Variants in NAV3 observed in about 807,000 individuals in gnomAD.
NAV3 encodes the protein pore membrane and/or filament interacting like protein 1.
NAV3 carries 87 observed loss-of-function variants against 244.7 expected under a neutral mutation model. That is an observed-to-expected ratio of 0.36 (90% CI 0.30 to 0.42). The LOEUF is 0.42. Among genes scored for constraint, NAV3 ranks in the 20% least tolerant of loss-of-function variants. The pLI, the probability that NAV3 is intolerant of heterozygous loss-of-function variation, is 1.00. For synonymous variants in NAV3, 1,126 were observed against 1,042.2 expected (o/e 1.08, Z -1.55); for missense variants, 2,663 against 2,893.3 (o/e 0.92, Z 1.83).
chr12:78,003,527 C>T lies in NAV3; in HGVS notation c.881-2892C>T, dbSNP rs370321492. The stretch of plus-strand genomic sequence containing the variant: ...ACCTAGTTTACTTTTGTCAAAGCAA[C>T]GCACTATTCAGTGAGGAAAAAGAGA... On this transcript the variant is annotated intron_variant, in intron 7 of 39. Coordinates refer to ENST00000397909, the MANE Select transcript of NAV3 (RefSeq NM_001024383.2). Among the ~76,000 whole-genome samples the T allele has an allele frequency of 1.6e-4, 25 of 152,274 alleles. No homozygotes were observed. The South Asian group carries it at 1.9e-3, about 11-fold the overall frequency.
At chr12:77,597,603 A>T (rs1179083116) in intron 2 of NAV3, among the ~76,000 whole-genome samples, 2 of 152,140 alleles carry the variant, frequency 1.3e-5, no homozygotes, top group African/African-American at 2.4e-5. Flanking sequence ...TTCAAAATTC[A>T]TTGACCAAAT....
At chr12:77,766,096 A>G (rs537954299) in intron 2 of NAV3, among the ~76,000 whole-genome samples, 2 of 152,326 alleles carry the variant, frequency 1.3e-5, no homozygotes, top group African/African-American at 2.4e-5. Context: ...CGGAGAAGAG[A>G]GAAAGGAAAT....
intron 1 of NAV3, among the ~76,000 whole-genome samples, chr12:77,911,336 C>A (rs535716537): frequency 2.6e-4 from 40 of 152,090 alleles, no homozygotes; most frequent in Non-Finnish European, 5.6e-4. Flanking sequence ...ATTAATCTAA[C>A]CTGTTGGCCA....
chr12:78,149,559 A>C (rs769634117), intron 22 of NAV3, among the ~76,000 whole-genome samples: 4 of 152,124 alleles, frequency 2.6e-5, no homozygotes, highest in Non-Finnish European at 5.9e-5. Context: ...CTCAGAGTAG[A>C]TGCAGAATGA....
chr12:77,912,285 A>C (rs1434348758), intron 1 of NAV3, among the ~76,000 whole-genome samples: 2 of 152,122 alleles, frequency 1.3e-5, no homozygotes, highest in African/African-American at 4.8e-5. Flanking sequence ...TTAGACATAC[A>C]CACACAGAGA....
intron 38 of NAV3, among the ~76,000 whole-genome samples, chr12:78,202,876 C>T (rs1959866703): frequency 6.6e-6 from 1 of 152,044 alleles, no homozygotes; most frequent in Non-Finnish European, 1.5e-5. Context: ...TGTCGTGATC[C>T]ATTCCCATGG....
intron 21 of NAV3, among the ~76,000 whole-genome samples, 155 bp downstream of exon 21, chr12:78,146,547 A>G (rs918173584): frequency 9.2e-5 from 14 of 152,160 alleles, no homozygotes; most frequent in Non-Finnish European, 2.1e-4. Flanking sequence ...GGTCTTTGAT[A>G]TTGCCTCTTA....
intron 2 of NAV3, among the ~76,000 whole-genome samples, chr12:77,745,674 G>A (rs528720690): frequency 6.6e-6 from 1 of 152,012 alleles, no homozygotes; most frequent in South Asian, 2.1e-4. Context: ...GAGAGCTTGG[G>A]GTCAATTGTG....
In NAV3 at chr12:77,831,549, G is replaced by T; in HGVS notation, c.88G>T (p.Gly30Cys). Residue 30 changes from glycine (G) to cysteine (C), a missense_variant, in exon 1 of 40, where the codon GGC (glycine) becomes TGC (cysteine). By Grantham distance (159) the Gly-to-Cys change is radical. Coordinates refer to ENST00000397909, the MANE Select transcript of NAV3 (RefSeq NM_001024383.2). ...VHTALPIPNL[G>C]TTGSQHCSSR... ...TACTGCTCTTCCGATACCAAATCTT[G>T]GCACTACTGGGTCACAGCACTGTTC... The T allele has an allele frequency of 6.2e-7, 1 of 1,614,052 alleles. No individual in the cohort carries two copies. Among genetic ancestry groups the T allele is most frequent in the Middle Eastern group, 1.6e-4 (1 of 6,062 alleles).
intron 9 of NAV3, among the ~76,000 whole-genome samples, chr12:78,028,997 T>C (rs1208700179): frequency 6.6e-6 from 1 of 152,124 alleles, no homozygotes; most frequent in African/African-American, 2.4e-5. Flanking sequence ...GAGTTTAGCA[T>C]GAAGGATGTC....
intron 39 of NAV3, among the ~76,000 whole-genome samples, chr12:78,208,577 C>T (rs1436859259): frequency 6.6e-6 from 1 of 152,056 alleles, no homozygotes; most frequent in Non-Finnish European, 1.5e-5. Flanking sequence ...TAATACTAGG[C>T]AAAGGCAAAG....
chr12:77,686,921 A>G (rs1043515766), intron 2 of NAV3, among the ~76,000 whole-genome samples: 4 of 152,092 alleles, frequency 2.6e-5, no homozygotes. Context: ...TAAAAAAACA[A>G]AACAAGCCTA....
At chr12:77,991,527 G>T (rs975033405) in intron 5 of NAV3, among the ~76,000 whole-genome samples, 7 of 152,148 alleles carry the variant, frequency 4.6e-5, no homozygotes, top group African/African-American at 1.4e-4. Context: ...TGTCTAGAAG[G>T]TGATAAAATG....
intron 2 of NAV3, among the ~76,000 whole-genome samples, chr12:77,624,561 G>A: frequency 6.6e-6 from 1 of 151,958 alleles, no homozygotes; most frequent in East Asian, 1.9e-4. Flanking sequence ...TGAATGATGA[G>A]GTTGGACTTG....
intron 2 of NAV3, among the ~76,000 whole-genome samples, chr12:77,685,971 T>A (rs79842131): frequency 6.6e-6 from 1 of 152,188 alleles, no homozygotes; most frequent in Non-Finnish European, 1.5e-5. Context: ...TCTTTAACAT[T>A]GTCAACAGAA....
chr12:77,658,265 G>A (rs1308476573), intron 2 of NAV3, among the ~76,000 whole-genome samples: 3 of 151,832 alleles, frequency 2.0e-5, no homozygotes, highest in Non-Finnish European at 4.4e-5. Flanking sequence ...CAAAGTCTCA[G>A]GATACAAACT....
At chr12:78,066,752 T>C (rs557628972) in intron 12 of NAV3, among the ~76,000 whole-genome samples, 3 of 152,136 alleles carry the variant, frequency 2.0e-5, no homozygotes, top group Non-Finnish European at 4.4e-5. Flanking sequence ...TGTATTGTAC[T>C]ACTTGATGGA....
intron 2 of NAV3, among the ~76,000 whole-genome samples, chr12:77,709,249 G>A (rs917753918): frequency 1.3e-5 from 2 of 152,138 alleles, no homozygotes; most frequent in African/African-American, 2.4e-5. Context: ...ACAAAATTCA[G>A]CAGCCCTTTA....
intron 8 of NAV3, among the ~76,000 whole-genome samples, chr12:78,010,660 G>A (rs1875107926): frequency 6.6e-6 from 1 of 151,992 alleles, no homozygotes; most frequent in African/African-American, 2.4e-5. Flanking sequence ...AATGCCAATA[G>A]TACACTTGCA....
Sources: gnomAD v4.1 joint callset for allele counts (sites outside exome capture counted in the v4.1 genomes callset) on GRCh38, gnomAD v4.1.1 for gene constraint, MANE v1.5 for transcripts, NCBI Gene and HGNC (gene_info 2026-07-23, HGNC 2026-07-21) for gene names.